The following SPRED1 variants were observed in gnomAD, a reference collection of about 807,000 sequenced individuals.
SPRED1 encodes sprouty related EVH1 domain containing 1.
Under a neutral mutation model 52.3 loss-of-function variants are expected in SPRED1, and 18 were observed. That is an observed-to-expected ratio of 0.34 (90% confidence interval 0.24 to 0.51). The LOEUF is 0.51. SPRED1 is among the 20% of genes least tolerant of loss of function. The pLI is 0.97. For missense variants in SPRED1, 485 were observed against 551.0 expected (o/e 0.88, Z 1.20); for synonymous variants, 155 against 179.7 (o/e 0.86, Z 1.10).
chr15:38,277,013 A>G lies in SPRED1; in HGVS notation c.33-22360A>G, dbSNP rs1172934413. ...GTGTGCATTTCTTTTCTGGGTCATC[A>G]TGATAGTTTGGGGTCTATCTTTATA... On this transcript the variant is annotated intron_variant, in intron 1 of 6. Coordinates refer to ENST00000299084, the MANE Select transcript of SPRED1 (RefSeq NM_152594.3). Among the ~76,000 whole-genome samples, 3 of 152,338 alleles carry G rather than the reference A, an allele frequency of 2.0e-5. No homozygotes were observed. In the East Asian group the frequency reaches 5.8e-4, roughly 29 times the overall value.
At chr15:38,290,354 A>T (rs1434109579) in intron 1 of SPRED1, among the ~76,000 whole-genome samples, 1 of 152,226 alleles carries the variant, frequency 6.6e-6, no homozygotes, top group Non-Finnish European at 1.5e-5. Context: ...CTGTTTTCAT[A>T]GGTTGATGAT....
At chr15:38,342,292 A>G (rs1896047668) in intron 5 of SPRED1, among the ~76,000 whole-genome samples, 1 of 151,982 alleles carries the variant, frequency 6.6e-6, no homozygotes, top group South Asian at 2.1e-4. Context: ...TGCATCCTTA[A>G]AATCTATCCT....
intron 5 of SPRED1, 140 bp downstream of exon 5, chr15:38,340,035 G>A (rs994061489): frequency 9.0e-7 from 1 of 1,114,218 alleles, no homozygotes; most frequent in Non-Finnish European, 1.3e-6. Flanking sequence ...ACAAAACCAG[G>A]AGAATTTGAT....
chr15:38,274,563 G>A (rs1894508609), intron 1 of SPRED1, among the ~76,000 whole-genome samples: 1 of 152,106 alleles, frequency 6.6e-6, no homozygotes, highest in Admixed American at 6.5e-5. Flanking sequence ...TTCCTAAAAT[G>A]TTTTACATAG....
At chr15:38,347,711 G>A (rs1381175406) in intron 5 of SPRED1, among the ~76,000 whole-genome samples, 2 of 151,788 alleles carry the variant, frequency 1.3e-5, no homozygotes, top group East Asian at 3.8e-4. Context: ...ATATTTTATA[G>A]GATTATTTCT....
intron 2 of SPRED1, among the ~76,000 whole-genome samples, chr15:38,321,806 G>A (rs1045377180): frequency 1.3e-5 from 2 of 152,006 alleles, no homozygotes; most frequent in African/African-American, 2.4e-5. Context: ...TGTTGGCCAC[G>A]CTGGTCTCAA....
At chr15:38,293,680 CTT>C (rs1230107931) in intron 1 of SPRED1, among the ~76,000 whole-genome samples, 1 of 152,134 alleles carries the variant, frequency 6.6e-6, no homozygotes, top group East Asian at 1.9e-4. Context: ...CCTGTGGTCT[CTT>C]TATCGTGATA....
rs1304195084 is a variant in SPRED1, at chr15:38,283,563, GA to G, written c.33-15806del. The G allele has an allele frequency of 3.4e-6, 3 of 881,186 alleles. No homozygotes were observed. In the African/African-American group the frequency reaches 5.4e-5, roughly 16 times the overall value. The allele number at this position is 881,186 out of a possible 1,614,324, so 54.6% of individuals were successfully genotyped here. ...TGCTATGAGCTTATATTTAGACATA[GA>G]AAATTGTAGAAAATGAAAAATATAA... On this transcript the variant is annotated intron_variant, in intron 1 of 6. Transcript: ENST00000299084.
intron 4 of SPRED1, among the ~76,000 whole-genome samples, chr15:38,332,577 G>A (rs7168011): frequency 0.78 from 118,619 of 152,126 alleles, 47,543 homozygotes; most frequent in Non-Finnish European, 0.87. Flanking sequence ...TGTCTAGCTA[G>A]CTAGCTAGAG....
Position 38,322,420 on chromosome 15 carries a change from TTGAC to T in SPRED1, c.376+13_376+16del. On this transcript the variant is annotated intron_variant, in intron 3 of 6. Transcript: ENST00000299084. ...AGGATATTTCTCAAGGTAGGTATTC[TTGAC>T]TATTTTCTTAATTTATTTATCGGTT... The T allele has an allele frequency of 6.2e-7, 1 of 1,612,638 alleles. No individual in the cohort carries two copies. The highest frequency in any genetic ancestry group is 8.5e-7 in the Non-Finnish European group (1 of 1,178,866).
At chr15:38,343,926 A>C (rs1157286029) in intron 5 of SPRED1, among the ~76,000 whole-genome samples, 1 of 152,154 alleles carries the variant, frequency 6.6e-6, no homozygotes, top group Non-Finnish European at 1.5e-5. Flanking sequence ...ATGAAATTTT[A>C]TAAAAAATTA....
chr15:38,292,350 C>CA (rs1430753057), intron 1 of SPRED1, among the ~76,000 whole-genome samples: 1 of 152,204 alleles, frequency 6.6e-6, no homozygotes, highest in Non-Finnish European at 1.5e-5. Flanking sequence ...GCCTGTTACC[C>CA]AGTTCCAAAG....
At chr15:38,293,818 TATG>T (rs1894974979) in intron 1 of SPRED1, among the ~76,000 whole-genome samples, 1 of 152,220 alleles carries the variant, frequency 6.6e-6, no homozygotes, top group Non-Finnish European at 1.5e-5. Flanking sequence ...GGTTCTTAAA[TATG>T]ATATACTTGT....
chr15:38,284,774 A>T (rs373068467), intron 1 of SPRED1, among the ~76,000 whole-genome samples: 1 of 151,844 alleles, frequency 6.6e-6, no homozygotes, highest in African/African-American at 2.4e-5. Context: ...ATCACCTACT[A>T]AATGTTTGTA....
At chr15:38,312,800 T>C (rs1895395156) in intron 2 of SPRED1, among the ~76,000 whole-genome samples, 1 of 152,060 alleles carries the variant, frequency 6.6e-6, no homozygotes, top group Admixed American at 6.6e-5. Flanking sequence ...ATTGTATTCT[T>C]TATTAATTTT....
At chr15:38,319,016 T>C (rs1373894181) in intron 2 of SPRED1, among the ~76,000 whole-genome samples, 1 of 152,170 alleles carries the variant, frequency 6.6e-6, no homozygotes, top group Non-Finnish European at 1.5e-5. Context: ...GAGTTAATAG[T>C]TGAAAATATT....
chr15:38,291,707 C>T (rs1019628671), intron 1 of SPRED1, among the ~76,000 whole-genome samples: 6 of 152,218 alleles, frequency 3.9e-5, no homozygotes, highest in Admixed American at 3.9e-4. Context: ...TATGTTGGCC[C>T]CTTTCAGCCA....
At chr15:38,302,192 TAATA>T (rs1895160695) in intron 2 of SPRED1, among the ~76,000 whole-genome samples, 1 of 152,170 alleles carries the variant, frequency 6.6e-6, no homozygotes. Flanking sequence ...CTCGTGTGGC[TAATA>T]AATACAATAT....
chr15:38,341,097 C>G (rs973127760), intron 5 of SPRED1, among the ~76,000 whole-genome samples: 1 of 148,228 alleles, frequency 6.7e-6, no homozygotes, highest in African/African-American at 2.5e-5. Flanking sequence ...TCAGCTATGA[C>G]AAGTTATAGT....
Sources: gnomAD v4.1 joint callset for allele counts (sites outside exome capture counted in the v4.1 genomes callset) on GRCh38, gnomAD v4.1.1 for gene constraint, MANE v1.5 for transcripts, NCBI Gene and HGNC (gene_info 2026-07-23, HGNC 2026-07-21) for gene names.